Variants in TRIM2 observed in about 807,000 individuals in gnomAD.
TRIM2 encodes the protein tripartite motif containing 2, also known as tripartite motif-containing protein 2.
TRIM2 carries 20 observed loss-of-function variants against 75.2 expected under a neutral mutation model. That is an observed-to-expected ratio of 0.27 (90% CI 0.19 to 0.39). The LOEUF is 0.39. Among genes scored for constraint, TRIM2 ranks in the 10% least tolerant of loss-of-function variants. The probability of loss-of-function intolerance (pLI) is 1.00; values close to 1 mark genes in which losing one functional copy is unlikely to be tolerated. For synonymous variants in TRIM2, 373 were observed against 388.3 expected (o/e 0.96, Z 0.46); for missense variants, 660 against 990.8 (o/e 0.67, Z 4.48).
At chr4:153,334,663 A>G (rs745887103) in intron 11 of TRIM2, 151 bp from the exon 12 acceptor site, 2 of 697,574 alleles carry the variant, frequency 2.9e-6, no homozygotes, top group African/African-American at 1.8e-5. Context: ...CTGTCTTCAC[A>G]CCACGGCACA....
chr4:153,175,985 A>G (rs546671614), intron 1 of TRIM2, among the ~76,000 whole-genome samples: 1 of 151,908 alleles, frequency 6.6e-6, no homozygotes, highest in African/African-American at 2.4e-5. Context: ...TTGAGGCTAT[A>G]GTGCACCCTG....
At chr4:153,173,211 GT>G (rs1731060167) in intron 1 of TRIM2, among the ~76,000 whole-genome samples, 1 of 152,122 alleles carries the variant, frequency 6.6e-6, no homozygotes, top group Admixed American at 6.5e-5. Flanking sequence ...CAGAGCACTG[GT>G]GTCTGCACTA....
Position 153,185,464 on chromosome 4 carries a change from A to T in TRIM2, c.-49+32194A>T, listed in dbSNP as rs11725094. 5.1e-3 allele frequency among the ~76,000 whole-genome samples: 779 copies of T among 151,592 alleles called. 2 individuals carry two copies. The highest frequency in any genetic ancestry group is 8.3e-3 in the Admixed American group (127 of 15,244). ...GATCATACTCTGCACAGCCTACTGCATGTCTCGGTGTGATGAGTGGATCTT... is the reference window on the plus strand; with the variant it reads ...GATCATACTCTGCACAGCCTACTGCTTGTCTCGGTGTGATGAGTGGATCTT... On this transcript the variant is annotated intron_variant, in intron 1 of 11. Transcript: ENST00000437508.
chr4:153,167,214 C>A lies in TRIM2; in HGVS notation c.-49+13944C>A, dbSNP rs536323179. Among the ~76,000 whole-genome samples, 32 of 152,314 alleles carry A rather than the reference C, an allele frequency of 2.1e-4. No individual in the cohort carries two copies. In the South Asian group the frequency reaches 3.5e-3, roughly 17 times the overall value. ...ATTTGGATTTTATTTCTTTTCTTCA[C>A]GGTCTATTAGTTTTGTACTGTAAGA... On this transcript the variant is annotated intron_variant, in intron 1 of 11. Transcript: ENST00000437508.
chr4:153,181,538 T>G (rs1732059218), intron 1 of TRIM2, among the ~76,000 whole-genome samples: 1 of 152,140 alleles, frequency 6.6e-6, no homozygotes, highest in African/African-American at 2.4e-5. Context: ...CATGAGAGGC[T>G]CATGACCACA....
At chr4:153,247,059 AC>A (rs1749367378) in intron 1 of TRIM2, among the ~76,000 whole-genome samples, 1 of 152,168 alleles carries the variant, frequency 6.6e-6, no homozygotes, top group African/African-American at 2.4e-5. Flanking sequence ...CTGGAAGGGG[AC>A]CAAAAGGAAT....
intron 6 of TRIM2, chr4:153,310,163 A>G (rs1765935249): frequency 6.6e-6 from 1 of 152,220 alleles, no homozygotes; most frequent in African/African-American, 2.4e-5. Context: ...AATAATTGTT[A>G]AATTGATTAT....
At chr4:153,157,681 T>C (rs575118107) in intron 1 of TRIM2, among the ~76,000 whole-genome samples, 64 of 152,314 alleles carry the variant, frequency 4.2e-4, no homozygotes, top group African/African-American at 1.4e-3. Flanking sequence ...TTCCACTGCA[T>C]TACCCTCTGC....
chr4:153,236,464 T>C (rs918809232), intron 1 of TRIM2, among the ~76,000 whole-genome samples: 6 of 152,172 alleles, frequency 3.9e-5, no homozygotes, highest in African/African-American at 1.4e-4. Context: ...TCTCAAATGC[T>C]ACCACATGAC....
At chr4:153,244,381 C>T (rs1334707970) in intron 1 of TRIM2, among the ~76,000 whole-genome samples, 1 of 67,762 alleles carries the variant, frequency 1.5e-5, no homozygotes, top group South Asian at 4.5e-4. Context: ...TCTTCTTCTT[C>T]TTCTTCTTCT....
At chr4:153,223,037 G>C (rs1741074338) in intron 1 of TRIM2, 1 of 152,328 alleles carries the variant, frequency 6.6e-6, no homozygotes. Flanking sequence ...TCGCCGTCTC[G>C]TAGTAAGTCG....
chr4:153,176,314 G>A (rs866415960), intron 1 of TRIM2, among the ~76,000 whole-genome samples: 1 of 152,174 alleles, frequency 6.6e-6, no homozygotes, highest in South Asian at 2.1e-4. Flanking sequence ...TTAGCCAAGT[G>A]CAGTGATGTG....
chr4:153,277,728 G>A (rs1037279081), intron 3 of TRIM2, among the ~76,000 whole-genome samples: 2 of 152,170 alleles, frequency 1.3e-5, no homozygotes, highest in African/African-American at 4.8e-5. Context: ...CTTTCTGGTA[G>A]CCAAAACAAG....
intron 1 of TRIM2, among the ~76,000 whole-genome samples, chr4:153,233,740 T>G (rs983527871): frequency 6.6e-6 from 1 of 152,156 alleles, no homozygotes; most frequent in South Asian, 2.1e-4. Flanking sequence ...TCTCTTCCTA[T>G]GAAGTAGAAG....
chr4:153,265,945 T>C (rs535725188), intron 1 of TRIM2, among the ~76,000 whole-genome samples: 2 of 152,298 alleles, frequency 1.3e-5, no homozygotes, highest in South Asian at 4.1e-4. Context: ...ATTCCTCCCC[T>C]AGTCTGATGT....
intron 1 of TRIM2, among the ~76,000 whole-genome samples, chr4:153,171,646 A>T (rs1341358635): frequency 8.6e-6 from 1 of 116,604 alleles, no homozygotes; most frequent in African/African-American, 3.5e-5. Context: ...AATGGAAAAA[A>T]AAGATAGTAC....
At chr4:153,255,866 T>C (rs928603039) in intron 1 of TRIM2, among the ~76,000 whole-genome samples, 3 of 152,192 alleles carry the variant, frequency 2.0e-5, no homozygotes, top group Non-Finnish European at 4.4e-5. Context: ...CCACATATTA[T>C]ATGATTCCAT....
chr4:153,230,292 C>T (rs896482399), intron 1 of TRIM2, among the ~76,000 whole-genome samples: 2 of 152,100 alleles, frequency 1.3e-5, no homozygotes, highest in Non-Finnish European at 2.9e-5. Flanking sequence ...GCGATCCTCC[C>T]ATCTCAGCCT....
chr4:153,238,795 T>C lies in TRIM2; in HGVS notation c.31-31540T>C, dbSNP rs1745686271. On this transcript the variant is annotated intron_variant, in intron 1 of 11. Transcript: ENST00000338700. Reference sequence around the variant, plus strand: ...GCAGCATGTCCAGCACTTGAAGAGGTTTGGATGCTTTAAGTCACTGCAAGA... The same window carrying C: ...GCAGCATGTCCAGCACTTGAAGAGGCTTGGATGCTTTAAGTCACTGCAAGA... Among the ~76,000 whole-genome samples, 3 of 151,858 alleles carry C rather than the reference T, an allele frequency of 2.0e-5. No individual in the cohort carries two copies. In the South Asian group the frequency reaches 6.3e-4, roughly 32 times the overall value.
Sources: gnomAD v4.1 joint callset for allele counts (sites outside exome capture counted in the v4.1 genomes callset) on GRCh38, gnomAD v4.1.1 for gene constraint, MANE v1.5 for transcripts, NCBI Gene and HGNC (gene_info 2026-07-23, HGNC 2026-07-21) for gene names.